FSTL4: variants seen among roughly 807,000 people sequenced by gnomAD.
FSTL4 encodes the protein follistatin like 4.
FSTL4 carries 28 observed loss-of-function variants against 78.2 expected under a neutral mutation model. The ratio of observed to expected loss-of-function variants is 0.36; its 90% confidence interval spans 0.27 to 0.49. The LOEUF is 0.49. Among genes scored for constraint, FSTL4 ranks in the 20% least tolerant of loss-of-function variants. The probability of loss-of-function intolerance (pLI) is 0.98; values close to 1 mark genes in which losing one functional copy is unlikely to be tolerated. For missense variants in FSTL4, 922 were observed against 1,084.9 expected, an observed-to-expected ratio of 0.85 and a Z score of 2.11; for synonymous variants, 422 against 440.5, an observed-to-expected ratio of 0.96 and a Z score of 0.53.
the FSTL4 span, among the ~76,000 whole-genome samples, chr5:133,831,464 G>A: frequency 4.6e-3 from 706 of 152,038 alleles, 4 homozygotes; most frequent in Non-Finnish European, 8.1e-3. Flanking sequence ...GTGAGTGGTG[G>A]AAAATATTGA....
the FSTL4 span, among the ~76,000 whole-genome samples, chr5:133,729,964 A>C: frequency 6.6e-6 from 1 of 152,134 alleles, no homozygotes; most frequent in Admixed American, 6.5e-5. Context: ...CTCACCAAAC[A>C]ACCTTCAGAC....
chr5:133,313,881 C>T (rs1240621576), intron 5 of FSTL4, among the ~76,000 whole-genome samples: 1 of 152,142 alleles, frequency 6.6e-6, no homozygotes, highest in Non-Finnish European at 1.5e-5. Context: ...TTCCCCAGCA[C>T]CTTTGATTCA....
At chr5:133,469,782 A>G (rs1005890341) in intron 3 of FSTL4, among the ~76,000 whole-genome samples, 2 of 152,112 alleles carry the variant, frequency 1.3e-5, no homozygotes, top group Non-Finnish European at 2.9e-5. Flanking sequence ...GGCGCACAGG[A>G]CAGAGGACAC....
the FSTL4 span, among the ~76,000 whole-genome samples, chr5:133,756,934 T>C: frequency 6.6e-6 from 1 of 151,668 alleles, no homozygotes; most frequent in Non-Finnish European, 1.5e-5. Flanking sequence ...TACACAGGAG[T>C]CAGCTCACCC....
chr5:133,305,903 G>A (rs79596873), intron 6 of FSTL4, among the ~76,000 whole-genome samples: 4,544 of 152,264 alleles, frequency 0.03, 81 homozygotes, highest in Non-Finnish European at 0.047. Flanking sequence ...AGATGAGACC[G>A]GGCCTGTCCC....
chr5:133,423,628 C>T (rs1561711566), intron 3 of FSTL4, among the ~76,000 whole-genome samples: 1 of 152,066 alleles, frequency 6.6e-6, no homozygotes, highest in Non-Finnish European at 1.5e-5. Flanking sequence ...GTGGTGATGG[C>T]TAACGGTGGT....
chr5:133,611,111 C>T lies in FSTL4; in HGVS notation c.-11+1214G>A, dbSNP rs946544665. Among the ~76,000 whole-genome samples the T allele has an allele frequency of 2.6e-5, 4 of 152,138 alleles. No individual in the cohort carries two copies. The highest frequency in any genetic ancestry group is 9.7e-5 in the African/African-American group (4 of 41,448). ...GGAAGCGACACCTAGAGGGGAGCGG[C>T]GGGCTGTGGCCGCGCCATTCATCAG... On this transcript the variant is annotated intron_variant, in intron 1 of 15. Coordinates refer to ENST00000265342, the MANE Select transcript of FSTL4 (RefSeq NM_015082.2). The surrounding 1 kb of genome is among the most constrained non-coding windows in gnomAD (Gnocchi z 4.9).
At chr5:133,240,259 C>T (rs1751807986) in intron 7 of FSTL4, among the ~76,000 whole-genome samples, 1 of 152,226 alleles carries the variant, frequency 6.6e-6, no homozygotes, top group Non-Finnish European at 1.5e-5. Flanking sequence ...CGGCTTCATT[C>T]TTGAAGTCAG....
chr5:133,319,194 C>T (rs752759899), intron 4 of FSTL4, among the ~76,000 whole-genome samples: 2 of 152,228 alleles, frequency 1.3e-5, no homozygotes, highest in African/African-American at 2.4e-5. Flanking sequence ...AACTGCCCAA[C>T]AGACACCTTC....
At position 133,400,932 on chromosome 5, in the gene FSTL4, C is replaced by T. The variant is rs754029268; in HGVS notation, c.215G>A (p.Arg72Gln). The T allele has an allele frequency of 3.6e-5, 58 of 1,613,320 alleles. 1 individual carries two copies. Among genetic ancestry groups the T allele is most frequent in the East Asian group, 8.9e-5 (4 of 44,898 alleles). Reference sequence around the variant, plus strand: ...CCTGCTGAGCACGCACCGGCTCCCTCGGCTGCAGAACTTCTTCCCGCAGGA... The same window carrying T: ...CCTGCTGAGCACGCACCGGCTCCCTTGGCTGCAGAACTTCTTCCCGCAGGA... ...LASCGKKFCS[R>Q]GSRCVLSRKT... The change falls in exon 4 of 16, where the codon CGA becomes CAA. Residue 72 changes from arginine (R) to glutamine (Q), a missense_variant. By Grantham distance (43) the Arg-to-Gln change is conservative (BLOSUM62 1). Transcript: ENST00000265342.
intron 3 of FSTL4, among the ~76,000 whole-genome samples, chr5:133,452,315 G>T (rs1364366655): frequency 6.6e-6 from 1 of 152,232 alleles, no homozygotes; most frequent in Admixed American, 6.5e-5. Flanking sequence ...TATCTCTCAA[G>T]TACCAAACCA....
At chr5:133,256,725 T>A (rs1752390167) in intron 6 of FSTL4, among the ~76,000 whole-genome samples, 1 of 152,244 alleles carries the variant, frequency 6.6e-6, no homozygotes, top group East Asian at 1.9e-4. Context: ...TGGCTCTGTA[T>A]TAGCCAGACT....
At chr5:133,671,331 G>T in the FSTL4 span, among the ~76,000 whole-genome samples, 42 of 152,092 alleles carry the variant, frequency 2.8e-4, no homozygotes, top group African/African-American at 1.0e-3. Flanking sequence ...GGTATGGTTT[G>T]CTACACAGCA....
rs35554365 is a variant in FSTL4 at position 133,417,349 on chromosome 5, G to GA, written c.161-16364dup. On this transcript the variant is annotated intron_variant, in intron 3 of 15. Transcript: ENST00000265342. Reference sequence around the variant, plus strand: ...CTGAAGCACAGAGAGAAAAAAGAATGAAAAAAAAAATTAAACAGATCATTA... The same window carrying GA: ...CTGAAGCACAGAGAGAAAAAAGAATGAAAAAAAAAAATTAAACAGATCATTA... 1.7e-3 allele frequency among the ~76,000 whole-genome samples: 247 copies of GA among 148,156 alleles called. 1 individual carries two copies. The highest frequency in any genetic ancestry group is 2.0e-3 in the Admixed American group (30 of 14,944).
At chr5:133,693,553 CTTGG>C in the FSTL4 span, among the ~76,000 whole-genome samples, 1 of 152,304 alleles carries the variant, frequency 6.6e-6, no homozygotes, top group South Asian at 2.1e-4. Context: ...AACTGATTTA[CTTGG>C]TTGCTGCAGC....
chr5:133,798,700 C>A, the FSTL4 span, among the ~76,000 whole-genome samples: 2 of 152,038 alleles, frequency 1.3e-5, no homozygotes, highest in Non-Finnish European at 2.9e-5. Flanking sequence ...CCGAGAACAT[C>A]AAGGGACAAC....
At chr5:133,283,600 C>T (rs1406928218) in intron 6 of FSTL4, among the ~76,000 whole-genome samples, 3 of 152,186 alleles carry the variant, frequency 2.0e-5, no homozygotes, top group Non-Finnish European at 4.4e-5. Context: ...AATTCTAGTG[C>T]TGCTTGGGGT....
chr5:133,505,160 G>T (rs1758587011), intron 3 of FSTL4, among the ~76,000 whole-genome samples: 1 of 152,066 alleles, frequency 6.6e-6, no homozygotes, highest in African/African-American at 2.4e-5. Flanking sequence ...TAATAACAAA[G>T]ACTATTTCTA....
At chr5:133,493,917 A>G (rs1219638720) in intron 3 of FSTL4, among the ~76,000 whole-genome samples, 2 of 152,128 alleles carry the variant, frequency 1.3e-5, no homozygotes, top group African/African-American at 4.8e-5. Flanking sequence ...TTCAATATTT[A>G]TTTTCTTCTG....
Sources: gnomAD v4.1 joint callset for allele counts (sites outside exome capture counted in the v4.1 genomes callset) on GRCh38, gnomAD v4.1.1 for gene constraint, Gnocchi (gnomAD v3.1) non-coding constraint, MANE v1.5 for transcripts, NCBI Gene and HGNC (gene_info 2026-07-23, HGNC 2026-07-21) for gene names.